Variants in KCNAB1 observed in about 807,000 individuals in gnomAD.
The protein encoded by KCNAB1 is potassium voltage-gated channel subfamily A regulatory beta subunit 1.
A neutral mutation model predicts 64.6 loss-of-function variants in KCNAB1; 35 were observed. The observed-to-expected ratio is 0.54, with a 90% CI of 0.41 to 0.72. KCNAB1 has a LOEUF of 0.72. Among genes scored for constraint, KCNAB1 ranks in the 30% least tolerant of loss-of-function variants. The pLI is 0.00. For synonymous variants in KCNAB1, 177 were observed against 183.8 expected, an observed-to-expected ratio of 0.96 and a Z score of 0.30; for missense variants, 401 against 512.9, an observed-to-expected ratio of 0.78 and a Z score of 2.11.
chr3:156,249,439 G>A (rs906886185), intron 1 of KCNAB1, among the ~76,000 whole-genome samples: 4 of 152,020 alleles, frequency 2.6e-5, no homozygotes, highest in Admixed American at 1.3e-4. Flanking sequence ...AGGCATGATG[G>A]TGCGTGCCTG....
intron 1 of KCNAB1, among the ~76,000 whole-genome samples, chr3:156,226,657 C>A (rs898696688): frequency 1.3e-5 from 2 of 152,108 alleles, no homozygotes; most frequent in African/African-American, 4.8e-5. Context: ...AGAACTTATT[C>A]ATGTAACCAA....
intron 1 of KCNAB1, among the ~76,000 whole-genome samples, chr3:156,418,795 A>G (rs1715271338): frequency 6.6e-6 from 1 of 152,216 alleles, no homozygotes; most frequent in Non-Finnish European, 1.5e-5. Flanking sequence ...GACCACCTGA[A>G]TTTCATAACT....
intron 1 of KCNAB1, among the ~76,000 whole-genome samples, chr3:156,164,937 C>T (rs1361220172): frequency 1.3e-5 from 2 of 152,154 alleles, no homozygotes; most frequent in Admixed American, 6.5e-5. Flanking sequence ...ATTTTTGTTA[C>T]TGGGGATGAT....
intron 1 of KCNAB1, among the ~76,000 whole-genome samples, chr3:156,292,768 C>T (rs1720525520): frequency 6.6e-6 from 1 of 152,186 alleles, no homozygotes; most frequent in Non-Finnish European, 1.5e-5. Flanking sequence ...GTCTCGAACT[C>T]CTGACCTCAA....
rs1372387596 is a variant in KCNAB1 at position 156,478,046 on chromosome 3, A to C, written c.658+3226A>C. On this transcript the variant is annotated intron_variant, in intron 8 of 13. Transcript: ENST00000490337. Reference sequence around the variant, plus strand: ...TTATTTATAATCAAATTACCCTTGAAAACACTACAGTAACTCTGTTAGTTA... The same window carrying C: ...TTATTTATAATCAAATTACCCTTGACAACACTACAGTAACTCTGTTAGTTA... Among the ~76,000 whole-genome samples the C allele has an allele frequency of 2.0e-5, 3 of 152,208 alleles. No homozygotes were observed. The East Asian group carries it at 5.8e-4, about 29-fold the overall frequency.
At chr3:156,416,958 A>C (rs1057040790) in intron 1 of KCNAB1, among the ~76,000 whole-genome samples, 1 of 152,246 alleles carries the variant, frequency 6.6e-6, no homozygotes, top group Non-Finnish European at 1.5e-5. Context: ...AGGTAAGAAT[A>C]AAAGTTTTGT....
At position 156,371,759 on chromosome 3, in the gene KCNAB1, T is replaced by C. The variant is rs1019322541; in HGVS notation, c.276-49857T>C. On this transcript the variant is annotated intron_variant, in intron 1 of 13. Transcript: ENST00000490337. ...ATTTTGCATATAAAAATACTCGGTA[T>C]AGCCAATAGATGTTGAAATGAATTA... 9.9e-5 allele frequency among the ~76,000 whole-genome samples: 15 copies of C among 152,188 alleles called. No individual in the cohort carries two copies. In the South Asian group the frequency reaches 2.3e-3, roughly 23 times the overall value.
chr3:156,444,055 A>G (rs964620669), intron 2 of KCNAB1, among the ~76,000 whole-genome samples: 1 of 152,258 alleles, frequency 6.6e-6, no homozygotes, highest in African/African-American at 2.4e-5. Flanking sequence ...CATTAGCAAC[A>G]GGCTAGAAGC....
chr3:156,351,949 A>G (rs961214894), intron 1 of KCNAB1, among the ~76,000 whole-genome samples: 4 of 152,232 alleles, frequency 2.6e-5, no homozygotes, highest in African/African-American at 9.6e-5. Context: ...CTATCCCACC[A>G]GTGGGGCCTC....
At chr3:156,330,105 T>A (rs1049474120) in intron 1 of KCNAB1, among the ~76,000 whole-genome samples, 19 of 152,136 alleles carry the variant, frequency 1.2e-4, no homozygotes, top group Admixed American at 3.9e-4. Flanking sequence ...TTTCACAAAC[T>A]TAAGTGTGTA....
At chr3:156,353,581 T>C (rs1323123546) in intron 1 of KCNAB1, among the ~76,000 whole-genome samples, 2 of 152,242 alleles carry the variant, frequency 1.3e-5, no homozygotes, top group African/African-American at 2.4e-5. Flanking sequence ...CACAAGGCCA[T>C]ACTTAAGGTG....
At chr3:156,365,444 A>G (rs1725888080) in intron 1 of KCNAB1, among the ~76,000 whole-genome samples, 3 of 152,216 alleles carry the variant, frequency 2.0e-5, no homozygotes, top group African/African-American at 7.2e-5. Flanking sequence ...ACTTCTCTTT[A>G]GCCTCATAGA....
chr3:156,218,739 C>A (rs1715479981), intron 1 of KCNAB1, among the ~76,000 whole-genome samples: 1 of 145,410 alleles, frequency 6.9e-6, no homozygotes, highest in Non-Finnish European at 1.5e-5. Context: ...CTCCGCAGTA[C>A]CAGCCTGGAG....
intron 8 of KCNAB1, among the ~76,000 whole-genome samples, chr3:156,500,172 A>G (rs1474509417): frequency 6.6e-6 from 1 of 152,210 alleles, no homozygotes; most frequent in African/African-American, 2.4e-5. Context: ...TCTTGGAATG[A>G]TGAAGCAGAG....
chr3:156,386,788 G>C (rs1308619993), intron 1 of KCNAB1, among the ~76,000 whole-genome samples: 2 of 152,184 alleles, frequency 1.3e-5, no homozygotes, highest in African/African-American at 4.8e-5. Context: ...ACTGGGGCCA[G>C]ATGCTCAAAG....
chr3:156,227,041 A>C (rs1393741911), intron 1 of KCNAB1, among the ~76,000 whole-genome samples: 1 of 152,216 alleles, frequency 6.6e-6, no homozygotes, highest in Non-Finnish European at 1.5e-5. Context: ...AATTCCAACT[A>C]TAGATTTTTT....
chr3:156,265,075 A>T (rs1020071799), intron 1 of KCNAB1, among the ~76,000 whole-genome samples: 11 of 152,176 alleles, frequency 7.2e-5, no homozygotes, highest in Admixed American at 2.6e-4. Context: ...TGAATCTGAG[A>T]TCTGAGTTCC....
At chr3:156,347,397 T>C (rs1724547927) in intron 1 of KCNAB1, among the ~76,000 whole-genome samples, 1 of 152,194 alleles carries the variant, frequency 6.6e-6, no homozygotes. Context: ...AAAAGTTACC[T>C]TTCTGAGCTT....
chr3:156,440,283 T>C (rs1015102920), intron 2 of KCNAB1, among the ~76,000 whole-genome samples: 22 of 152,238 alleles, frequency 1.4e-4, no homozygotes, highest in African/African-American at 5.3e-4. Context: ...CCTAAATTTC[T>C]GGATAACTTT....
Sources: gnomAD v4.1 joint callset for allele counts (sites outside exome capture counted in the v4.1 genomes callset) on GRCh38, gnomAD v4.1.1 for gene constraint, MANE v1.5 for transcripts, NCBI Gene and HGNC (gene_info 2026-07-23, HGNC 2026-07-21) for gene names.